The following SCN1A variants were observed in gnomAD, a reference collection of about 807,000 sequenced individuals.
SCN1A encodes the protein sodium voltage-gated channel alpha subunit 1, also known as sodium channel protein type 1 subunit alpha.
A neutral mutation model predicts 193.7 loss-of-function variants in SCN1A; 13 were observed. That is an observed-to-expected ratio of 0.07 (90% CI 0.04 to 0.11). The LOEUF is 0.11. SCN1A is among the 10% of genes least tolerant of loss of function. The pLI is 1.00. For synonymous variants in SCN1A, 781 were observed against 843.6 expected (o/e 0.93, Z 1.29); for missense variants, 1,432 against 2,451.1 (o/e 0.58, Z 8.78).
rs73028921 is a variant in SCN1A at position 166,113,108 on chromosome 2, G to T, written c.-142+13816C>A. 5.5e-3 allele frequency among the ~76,000 whole-genome samples: 841 copies of T among 152,268 alleles called. 11 individuals are homozygous for T. The highest frequency in any genetic ancestry group is 0.02 in the African/African-American group (820 of 41,562). On this transcript the variant is annotated intron_variant, in intron 2 of 28. Transcript: ENST00000674923. ...TGTTTGAAGTGGGGCAGTTTTGTGAGACTGAGCCATTGACTTGTGGTATCT... is the reference window on the plus strand; with the variant it reads ...TGTTTGAAGTGGGGCAGTTTTGTGATACTGAGCCATTGACTTGTGGTATCT...
chr2:166,140,385 A>G lies in SCN1A; in HGVS notation c.-50+8662T>C, dbSNP rs1405760588. Among the ~76,000 whole-genome samples the G allele has an allele frequency of 2.0e-5, 3 of 152,158 alleles. No individual in the cohort carries two copies. In the East Asian group the frequency reaches 5.8e-4, roughly 29 times the overall value. On this transcript the variant is annotated intron_variant, in intron 1 of 26. Coordinates refer to the SCN1A transcript ENST00000635750. ...GGAGAGACATTTCTACAAGTAGCTG[A>G]CCGAAGATAGTTTTTAGGTGTATGA...
chr2:166,020,147 T>C (rs1025987813), intron 19 of SCN1A, among the ~76,000 whole-genome samples: 3 of 152,094 alleles, frequency 2.0e-5, no homozygotes, highest in Admixed American at 2.0e-4. Context: ...CCTGATCTTG[T>C]GATCCACCCG....
At chr2:166,030,172 G>C (rs749256571) in intron 19 of SCN1A, among the ~76,000 whole-genome samples, 1 of 152,166 alleles carries the variant, frequency 6.6e-6, no homozygotes, top group Non-Finnish European at 1.5e-5. Context: ...TAGCGGTTAA[G>C]AGCGTGACTC....
At chr2:165,999,435 G>A (rs1270375447) in intron 25 of SCN1A, among the ~76,000 whole-genome samples, 1 of 151,418 alleles carries the variant, frequency 6.6e-6, no homozygotes, top group Non-Finnish European at 1.5e-5. Context: ...ATTATATAAT[G>A]TGTGGATAAA....
intron 2 of SCN1A, among the ~76,000 whole-genome samples, chr2:166,086,677 C>T (rs1237547895): frequency 6.6e-6 from 1 of 152,190 alleles, no homozygotes; most frequent in Non-Finnish European, 1.5e-5. Flanking sequence ...AGAAATAAAG[C>T]TCTCCTTTCC....
At chr2:166,035,004 G>A (rs954093670) in intron 19 of SCN1A, among the ~76,000 whole-genome samples, 1 of 152,152 alleles carries the variant, frequency 6.6e-6, no homozygotes, top group African/African-American at 2.4e-5. Context: ...AAGCCACCCA[G>A]TTATGGTATA....
intron 2 of SCN1A, chr2:166,126,498 C>A (rs1353578039): frequency 6.6e-6 from 1 of 152,214 alleles, no homozygotes; most frequent in Non-Finnish European, 1.5e-5. Flanking sequence ...ACCCACTTCT[C>A]TGGGCAGGAG....
intron 19 of SCN1A, among the ~76,000 whole-genome samples, chr2:166,026,327 T>A (rs1311416452): frequency 6.6e-6 from 1 of 152,144 alleles, no homozygotes; most frequent in African/African-American, 2.4e-5. Flanking sequence ...ACGGTTGAGA[T>A]AAAAGATGAA....
chr2:166,095,267 T>A (rs905011944), intron 2 of SCN1A, among the ~76,000 whole-genome samples: 3 of 152,196 alleles, frequency 2.0e-5, no homozygotes, highest in African/African-American at 4.8e-5. Flanking sequence ...TAATTATTTG[T>A]ATTCCTCTTT....
intron 2 of SCN1A, among the ~76,000 whole-genome samples, chr2:166,089,057 C>T (rs965938281): frequency 5.9e-5 from 9 of 152,264 alleles, no homozygotes; most frequent in Middle Eastern, 3.4e-3. Context: ...CTGGGATACA[C>T]GTGCAGAACT....
chr2:166,074,601 C>T (rs1196825913), intron 3 of SCN1A, among the ~76,000 whole-genome samples: 1 of 152,160 alleles, frequency 6.6e-6, no homozygotes, highest in Non-Finnish European at 1.5e-5. Flanking sequence ...TGATCTGATG[C>T]CAGACGCCAA....
Position 165,991,919 on chromosome 2 carries a change from G to A in SCN1A, c.5356C>T (p.Leu1786=), listed in dbSNP as rs587781148. 1 of 1,613,904 alleles carries A rather than the reference G, an allele frequency of 6.2e-7. No individual in the cohort carries two copies. The highest frequency in any genetic ancestry group is 1.7e-5 in the Admixed American group (1 of 59,964). The change falls in exon 29 of 29, where the codon CTG becomes TTG. Residue 1786 remains leucine, a synonymous_variant. Coordinates refer to ENST00000674923, the MANE Select transcript of SCN1A (RefSeq NM_001165963.4). ...VVVNMYIAVI[L]ENFSVATEES... is the part of the protein sequence containing the mutation. ...TCAGTAGCAACACTGAAGTTCTCCA[G>A]GATGACCGCGATGTACATGTTCACC...
rs1312664315 is a variant in SCN1A, at chr2:166,037,829, G to T, written c.2893C>A (p.Gln965Lys). 1 of 1,613,956 alleles carries T rather than the reference G, an allele frequency of 6.2e-7. No individual in the cohort carries two copies. Among genetic ancestry groups the T allele is most frequent in the Non-Finnish European group, 8.5e-7 (1 of 1,180,026 alleles). The change falls in exon 18 of 29, where the codon CAA becomes AAA. Residue 965 changes from glutamine to lysine, a missense_variant. By Grantham distance (53) the Gln-to-Lys change is moderately conservative (BLOSUM62 1). This residue lies in a region of SCN1A where 93 missense variants were observed against 260.4 expected (regional missense o/e 0.36). Coordinates refer to ENST00000674923, the MANE Select transcript of SCN1A (RefSeq NM_001165963.4). The part of the protein sequence containing the change: ...TMWDCMEVAG[Q>K]AMCLTVFMMV... Reference sequence around the variant, plus strand: ...ATGAAGACAGTAAGGCACATGGCTTGACCAGCAACCTCCATACAGTCCCAC... The same window carrying T: ...ATGAAGACAGTAAGGCACATGGCTTTACCAGCAACCTCCATACAGTCCCAC...
chr2:166,102,506 AAAAAAAAAG>A (rs556965456), intron 2 of SCN1A, among the ~76,000 whole-genome samples: 24,804 of 143,432 alleles, frequency 0.17, 2,527 homozygotes, highest in East Asian at 0.32. Flanking sequence ...ATCTCAAAAA[AAAAAAAAAG>A]AAAAAAAAGA....
At chr2:165,993,257 A>G (rs1227567348) in intron 28 of SCN1A, 1 of 151,750 alleles carries the variant, frequency 6.6e-6, no homozygotes, top group Non-Finnish European at 1.5e-5. Context: ...CAACTTTTAT[A>G]CCTTAGCCAC....
chr2:166,018,107 A>G (rs1183642797), intron 19 of SCN1A, among the ~76,000 whole-genome samples: 1 of 151,992 alleles, frequency 6.6e-6, no homozygotes, highest in Non-Finnish European at 1.5e-5. Flanking sequence ...ATTACTAGTA[A>G]TATCATGCAA....
Position 166,043,699 on chromosome 2 carries a change from C to T in SCN1A, c.2013G>A (p.Val671=). The T allele has an allele frequency of 1.2e-6, 2 of 1,614,094 alleles. No homozygotes were observed. The highest frequency in any genetic ancestry group is 1.7e-6 in the Non-Finnish European group (2 of 1,179,998). The change falls in exon 14 of 29, where the codon GTG becomes GTA. Residue 671 remains valine, a synonymous_variant. Coordinates refer to ENST00000674923, the MANE Select transcript of SCN1A (RefSeq NM_001165963.4). ...CATCAGTAGCTGGCTTATCTATTAT[C>T]ACCTCTGGCAGAAGCTGTCCAACAG... ...TSPVGQLLPE[V]IIDKPATDDN... is the part of the protein sequence containing the mutation.
intron 4 of SCN1A, among the ~76,000 whole-genome samples, chr2:166,067,236 C>A (rs1683933993): frequency 6.6e-6 from 1 of 152,082 alleles, no homozygotes; most frequent in Non-Finnish European, 1.5e-5. Context: ...TCCTTTGTCA[C>A]CTCCCTGTCT....
chr2:166,141,268 T>C (rs1692069033), intron 1 of SCN1A, among the ~76,000 whole-genome samples: 1 of 152,088 alleles, frequency 6.6e-6, no homozygotes, highest in Admixed American at 6.5e-5. Flanking sequence ...TTCCAGTTTC[T>C]CTTCCCTCAG....
Sources: allele counts gnomAD v4.1 joint callset (sites outside exome capture counted in the v4.1 genomes callset), GRCh38; gene constraint gnomAD v4.1.1; regional missense constraint gnomAD v4.1.1; transcripts MANE v1.5; gene names NCBI Gene and HGNC (gene_info 2026-07-23, HGNC 2026-07-21).